CROT: variants seen among roughly 807,000 people sequenced by gnomAD.
CROT encodes the protein carnitine O-octanoyltransferase.
A neutral mutation model predicts 89.2 loss-of-function variants in CROT; 84 were observed. That is an observed-to-expected ratio of 0.94 (90% CI 0.79 to 1.13). CROT has a LOEUF of 1.13. Ranked by LOEUF, CROT falls within the 50% of genes most tolerant of loss-of-function variation. The probability of loss-of-function intolerance (pLI) is 0.00; values close to 1 mark genes in which losing one functional copy is unlikely to be tolerated. For missense variants in CROT, 711 were observed against 727.8 expected, an observed-to-expected ratio of 0.98 and a Z score of 0.27; for synonymous variants, 212 against 239.5, an observed-to-expected ratio of 0.89 and a Z score of 1.06.
chr7:87,346,943 C>T (rs2115771601), intron 2 of CROT, among the ~76,000 whole-genome samples: 1 of 152,308 alleles, frequency 6.6e-6, no homozygotes, highest in South Asian at 2.1e-4. Flanking sequence ...TCTGGAGGCT[C>T]TAGGGGAGAA....
intron 13 of CROT, among the ~76,000 whole-genome samples, chr7:87,389,351 T>C (rs1807282755): frequency 6.6e-6 from 1 of 152,164 alleles, no homozygotes; most frequent in African/African-American, 2.4e-5. Flanking sequence ...CTGTTCACAA[T>C]AGCAAAGACT....
At chr7:87,361,346 T>C in intron 4 of CROT, 44 bp from the exon 5 acceptor site, 1 of 1,525,912 alleles carries the variant, frequency 6.6e-7, no homozygotes, top group Non-Finnish European at 9.0e-7. Context: ...TACACATTCA[T>C]GTATTATGAA....
chr7:87,362,815 T>G (rs1263896530), intron 6 of CROT, among the ~76,000 whole-genome samples: 1 of 152,168 alleles, frequency 6.6e-6, no homozygotes, highest in Non-Finnish European at 1.5e-5. Flanking sequence ...AGTAAAATAT[T>G]TATAGCCAAT....
chr7:87,361,475 A>G lies in CROT; in HGVS notation c.326A>G (p.His109Arg). The G allele has an allele frequency of 6.2e-7, 1 of 1,613,724 alleles. No homozygotes were observed. Among genetic ancestry groups the G allele is most frequent in the Non-Finnish European group, 8.5e-7 (1 of 1,179,686 alleles). ...GTCAACTTTGCGGGTCCTGCAGCTC[A>G]TTTTGAACACTACTGGCCTCCAAAG... ...LNVNFAGPAA[H>R]FEHYWPPKEG... The change falls in exon 5 of 18, where the codon CAT becomes CGT. Residue 109 changes from histidine to arginine, a missense_variant. His to Arg is a conservative substitution (Grantham distance 29). Coordinates refer to ENST00000331536, the MANE Select transcript of CROT (RefSeq NM_021151.4).
chr7:87,378,636 T>G lies in CROT; in HGVS notation c.978+1186T>G, dbSNP rs543806027. On this transcript the variant is annotated intron_variant, in intron 10 of 17. Coordinates refer to ENST00000331536, the MANE Select transcript of CROT (RefSeq NM_021151.4). ...TTTCTTCATAGACTCCCAAAGGAAA[T>G]AGTCAGCTTCTTTGTTTCCAATGGT... Among the ~76,000 whole-genome samples the G allele has an allele frequency of 5.9e-5, 9 of 152,298 alleles. No homozygotes were observed. In the South Asian group the frequency reaches 1.9e-3, roughly 32 times the overall value.
rs756701817 is a variant in CROT, at chr7:87,382,215, A to AT, written c.1170+40dup. ...TTCACTTTTCTCTTAAATAATAATGATTTTTTCTTTTAACAACCATATGTA... is the reference window on the plus strand; with the variant it reads ...TTCACTTTTCTCTTAAATAATAATGATTTTTTTCTTTTAACAACCATATGTA... On this transcript the variant is annotated intron_variant, in intron 12 of 17. Coordinates refer to ENST00000331536, the MANE Select transcript of CROT (RefSeq NM_021151.4). 3.0e-5 allele frequency: 46 copies of AT among 1,539,536 alleles called. 1 individual carries two copies. Among genetic ancestry groups the AT allele is most frequent in the Middle Eastern group, 3.4e-4 (2 of 5,804 alleles).
intron 7 of CROT, among the ~76,000 whole-genome samples, chr7:87,371,483 A>G (rs1806628444): frequency 6.6e-6 from 1 of 152,238 alleles, no homozygotes; most frequent in Admixed American, 6.5e-5. Context: ...ATAACAAATA[A>G]TTAACATTTT....
intron 3 of CROT, chr7:87,354,472 A>C (rs1051507410): frequency 1.0e-5 from 5 of 490,376 alleles, no homozygotes; most frequent in African/African-American, 9.8e-5. Context: ...GAACAGCATT[A>C]GTTTTTTGAT....
At chr7:87,366,183 T>C (rs1339033922) in intron 6 of CROT, among the ~76,000 whole-genome samples, 2 of 152,172 alleles carry the variant, frequency 1.3e-5, no homozygotes, top group Non-Finnish European at 2.9e-5. Context: ...CTAAAAGATG[T>C]TACTAAAGCT....
intron 6 of CROT, among the ~76,000 whole-genome samples, chr7:87,362,605 T>A (rs181629854): frequency 6.6e-6 from 1 of 152,198 alleles, no homozygotes; most frequent in East Asian, 1.9e-4. Flanking sequence ...TTGGAGTCAC[T>A]CTTCTTAGAG....
chr7:87,361,636 G>C, intron 5 of CROT, 65 bp downstream of exon 5: 1 of 1,529,486 alleles, frequency 6.5e-7, no homozygotes, highest in Non-Finnish European at 8.8e-7. Flanking sequence ...ATGTTGAGAA[G>C]CTTAATTTAC....
At chr7:87,383,650 C>A (rs1292615190) in intron 13 of CROT, among the ~76,000 whole-genome samples, 1 of 152,002 alleles carries the variant, frequency 6.6e-6, no homozygotes, top group African/African-American at 2.4e-5. Flanking sequence ...GTGCCTGCCA[C>A]CATGCCTGGC....
chr7:87,355,126 G>T (rs1011386614), intron 3 of CROT, among the ~76,000 whole-genome samples: 2 of 150,014 alleles, frequency 1.3e-5, no homozygotes, highest in African/African-American at 2.5e-5. Flanking sequence ...TTGAGATAGG[G>T]CCTCGCTCTC....
chr7:87,382,246 T>A, intron 12 of CROT, 65 bp downstream of exon 12: 2 of 1,462,354 alleles, frequency 1.4e-6, no homozygotes, highest in Non-Finnish European at 1.9e-6. Flanking sequence ...ATGTAAAAAT[T>A]TGGCTGTCAT....
intron 3 of CROT, among the ~76,000 whole-genome samples, chr7:87,352,967 G>A (rs1379356899): frequency 1.3e-5 from 2 of 152,148 alleles, no homozygotes; most frequent in East Asian, 3.8e-4. Context: ...CTAAAGACAA[G>A]GCTTTGATTA....
chr7:87,393,885 T>G (rs1231112987), intron 17 of CROT, among the ~76,000 whole-genome samples: 3 of 152,260 alleles, frequency 2.0e-5, no homozygotes, highest in East Asian at 3.9e-4. Flanking sequence ...TGAGAAAATT[T>G]TTTGGAGATT....
chr7:87,377,284 A>T, intron 9 of CROT, 65 bp from the exon 10 acceptor site: 1 of 956,710 alleles, frequency 1.0e-6, no homozygotes, highest in Non-Finnish European at 1.6e-6. Flanking sequence ...ATATGTGTTT[A>T]AGATGTAAAT....
chr7:87,355,076 G>C (rs1310542126), intron 3 of CROT, among the ~76,000 whole-genome samples: 6 of 150,016 alleles, frequency 4.0e-5, no homozygotes, highest in Non-Finnish European at 1.5e-5. Context: ...ATTCCCTTCT[G>C]TATAACCTTT....
rs1239991548 is a variant in CROT, at chr7:87,399,564, A to G, written c.*920A>G. The G allele has an allele frequency of 2.0e-5, 3 of 152,252 alleles. No individual in the cohort carries two copies. Among genetic ancestry groups the G allele is most frequent in the African/African-American group, 7.2e-5 (3 of 41,474 alleles). 9.4% of individuals were successfully genotyped at this position (152,252 alleles called of 1,614,324 possible). On this transcript the variant is annotated 3_prime_UTR_variant, in exon 18 of 18. Transcript: ENST00000331536. ...GATGTATACCCTCTATTACACACAT[A>G]AAACCGTAACAAAATTCATTGTGGT... is the stretch of plus-strand genomic sequence containing the variant.
Sources: gnomAD v4.1 joint callset for allele counts (sites outside exome capture counted in the v4.1 genomes callset) on GRCh38, gnomAD v4.1.1 for gene constraint, MANE v1.5 for transcripts, NCBI Gene and HGNC (gene_info 2026-07-23, HGNC 2026-07-21) for gene names.